Variants in TAFA4 observed in about 807,000 individuals in gnomAD.
The protein encoded by TAFA4 is TAFA chemokine like family member 4.
TAFA4 carries 20 observed loss-of-function variants against 21.1 expected under a neutral mutation model. The observed-to-expected ratio is 0.95, with a 90% CI of 0.67 to 1.38. The LOEUF is 1.38. TAFA4 is among the 40% of genes most tolerant of loss of function. TAFA4 has a pLI of 0.00. For synonymous variants in TAFA4, 71 were observed against 67.4 expected (o/e 1.05, Z -0.26); for missense variants, 211 against 180.9 (o/e 1.17, Z -0.95).
chr3:68,768,215 T>C (rs1205038628), intron 3 of TAFA4, among the ~76,000 whole-genome samples: 1 of 151,986 alleles, frequency 6.6e-6, no homozygotes, highest in Non-Finnish European at 1.5e-5. Context: ...ATACATCTGA[T>C]AAGGGGTAAG....
intron 1 of TAFA4, among the ~76,000 whole-genome samples, chr3:68,891,665 A>C (rs2089731987): frequency 6.6e-6 from 1 of 152,202 alleles, no homozygotes; most frequent in Admixed American, 6.5e-5. Flanking sequence ...GAAGTGAAAA[A>C]TGTTTCAGAA....
At chr3:68,871,713 A>C (rs964956079) in intron 3 of TAFA4, among the ~76,000 whole-genome samples, 1 of 152,182 alleles carries the variant, frequency 6.6e-6, no homozygotes, top group Non-Finnish European at 1.5e-5. Context: ...CAAAAAATAA[A>C]AACCATCCAG....
intron 4 of TAFA4, among the ~76,000 whole-genome samples, chr3:68,752,036 G>A (rs184500780): frequency 9.5e-4 from 144 of 152,320 alleles, no homozygotes; most frequent in Non-Finnish European, 1.6e-3. Context: ...TAGGGGGAAT[G>A]GGATGCAGGT....
At chr3:68,785,211 T>G (rs1224144629) in intron 3 of TAFA4, among the ~76,000 whole-genome samples, 1 of 152,220 alleles carries the variant, frequency 6.6e-6, no homozygotes, top group African/African-American at 2.4e-5. Context: ...ACATAAAGGT[T>G]CTCCAAGTCC....
chr3:68,821,745 A>C (rs911162764), intron 3 of TAFA4, among the ~76,000 whole-genome samples: 2 of 152,208 alleles, frequency 1.3e-5, no homozygotes, highest in Non-Finnish European at 2.9e-5. Flanking sequence ...TAAAGAGTGA[A>C]GCCTGAAGGG....
intron 3 of TAFA4, among the ~76,000 whole-genome samples, chr3:68,829,717 A>G (rs1227098793): frequency 6.6e-6 from 1 of 152,172 alleles, no homozygotes; most frequent in East Asian, 1.9e-4. Context: ...TTAGTTAGGG[A>G]GGATTCCCTC....
intron 3 of TAFA4, among the ~76,000 whole-genome samples, chr3:68,821,933 T>C (rs1236494800): frequency 6.6e-6 from 1 of 152,206 alleles, no homozygotes; most frequent in Non-Finnish European, 1.5e-5. Flanking sequence ...TGCAAATGCT[T>C]CTCCGGTAAT....
intron 3 of TAFA4, among the ~76,000 whole-genome samples, chr3:68,799,870 C>T (rs144191658): frequency 6.6e-6 from 1 of 152,076 alleles, no homozygotes; most frequent in Non-Finnish European, 1.5e-5. Flanking sequence ...TATTTACAGC[C>T]GCTCCCCATC....
At chr3:68,761,870 G>C (rs923997005) in intron 3 of TAFA4, among the ~76,000 whole-genome samples, 1 of 152,154 alleles carries the variant, frequency 6.6e-6, no homozygotes, top group East Asian at 1.9e-4. Context: ...GCTTCTAGAT[G>C]TGGAGATTCT....
Position 68,733,128 on chromosome 3 carries a change from C to T in TAFA4, c.*14G>A, listed in dbSNP as rs368709870. The T allele has an allele frequency of 3.1e-6, 5 of 1,613,006 alleles. No homozygotes were observed. The African/African-American group carries it at 4.0e-5, about 13-fold the overall frequency. On this transcript the variant is annotated 3_prime_UTR_variant, in exon 6 of 6. Coordinates refer to ENST00000295569, the MANE Select transcript of TAFA4 (RefSeq NM_182522.5). ...CTGCTGCCCCTCCAGGATTGAAGCA[C>T]ACCTCTCTCTTCGCTACCGCGTTAC...
chr3:68,905,326 C>T (rs1351862363), intron 1 of TAFA4, among the ~76,000 whole-genome samples: 1 of 151,882 alleles, frequency 6.6e-6, no homozygotes, highest in Non-Finnish European at 1.5e-5. Flanking sequence ...CTTGCCACTA[C>T]ACCTAGCTAA....
intron 3 of TAFA4, among the ~76,000 whole-genome samples, chr3:68,773,239 A>G (rs1702990710): frequency 6.6e-6 from 1 of 152,168 alleles, no homozygotes; most frequent in Non-Finnish European, 1.5e-5. Flanking sequence ...TTGATAATTC[A>G]CTAGAATGAC....
intron 3 of TAFA4, among the ~76,000 whole-genome samples, chr3:68,772,916 A>G (rs1407209846): frequency 1.3e-5 from 2 of 152,212 alleles, no homozygotes; most frequent in African/African-American, 4.8e-5. Context: ...AGAACTCTGA[A>G]TAACACTGCA....
intron 1 of TAFA4, among the ~76,000 whole-genome samples, chr3:68,888,074 C>G (rs1221102197): frequency 6.6e-6 from 1 of 151,910 alleles, no homozygotes; most frequent in African/African-American, 2.4e-5. Flanking sequence ...CTGTAAGCAC[C>G]CAAAAGAAGC....
At chr3:68,739,594 G>A (rs1002339145) in intron 4 of TAFA4, among the ~76,000 whole-genome samples, 1 of 152,104 alleles carries the variant, frequency 6.6e-6, no homozygotes, top group Non-Finnish European at 1.5e-5. Flanking sequence ...CACAGCACTA[G>A]TAATAAATAG....
intron 3 of TAFA4, among the ~76,000 whole-genome samples, chr3:68,845,011 C>A (rs551238395): frequency 1.3e-5 from 2 of 152,218 alleles, no homozygotes; most frequent in East Asian, 3.9e-4. Flanking sequence ...TGGGGAGGAG[C>A]GTTCTGTAGA....
intron 1 of TAFA4, among the ~76,000 whole-genome samples, chr3:68,909,395 T>C (rs1017619273): frequency 2.6e-5 from 4 of 152,178 alleles, no homozygotes; most frequent in African/African-American, 9.7e-5. Flanking sequence ...GTCGTCACCA[T>C]ACTCACCACC....
chr3:68,906,680 T>C (rs1302244949), intron 1 of TAFA4, among the ~76,000 whole-genome samples: 4 of 152,056 alleles, frequency 2.6e-5, no homozygotes, highest in Admixed American at 6.5e-5. Context: ...GTTTTAAAGG[T>C]GCTGCCTTTA....
chr3:68,761,152 A>C (rs997823854), intron 3 of TAFA4, among the ~76,000 whole-genome samples: 5 of 152,244 alleles, frequency 3.3e-5, no homozygotes, highest in Non-Finnish European at 7.3e-5. Context: ...TGCATTTCGC[A>C]TGTGTAAGTA....
Sources: allele counts gnomAD v4.1 joint callset (sites outside exome capture counted in the v4.1 genomes callset), GRCh38; gene constraint gnomAD v4.1.1; transcripts MANE v1.5; gene names NCBI Gene and HGNC (gene_info 2026-07-23, HGNC 2026-07-21).